Variants in ZNF354C observed in about 807,000 individuals in gnomAD.
The protein encoded by ZNF354C is KRAB-zinc finger protein synten.
Under a neutral mutation model 12.4 loss-of-function variants are expected in ZNF354C, and 7 were observed. That is an observed-to-expected ratio of 0.56 (90% CI 0.32 to 1.06). The LOEUF (loss-of-function observed/expected upper bound fraction) is 1.06, where lower values mean the gene tolerates loss of function less well. ZNF354C is among the 50% of genes least tolerant of loss of function. The pLI, the probability that ZNF354C is intolerant of heterozygous loss-of-function variation, is 0.04. For missense variants in ZNF354C, 609 were observed against 658.0 expected (o/e 0.93, Z 0.81); for synonymous variants, 202 against 224.5 (o/e 0.90, Z 0.90).
rs897990231 is a variant in ZNF354C, at chr5:179,083,972, T to G, written c.*3875T>G. The stretch of plus-strand genomic sequence containing the variant: ...TATCTATCTTCCTGCTACTTGGACC[T>G]GGAGGTGATGTATCCATGAGGTGTG... On this transcript the variant is annotated 3_prime_UTR_variant, in exon 5 of 5. Coordinates refer to ENST00000315475, the MANE Select transcript of ZNF354C (RefSeq NM_014594.3). Among the ~76,000 whole-genome samples the G allele has an allele frequency of 6.6e-6, 1 of 152,160 alleles. No individual in the cohort carries two copies.
intron 4 of ZNF354C, among the ~76,000 whole-genome samples, chr5:179,077,996 G>C (rs771675645): frequency 6.6e-6 from 1 of 151,766 alleles, no homozygotes; most frequent in African/African-American, 2.4e-5. Flanking sequence ...TGGTAGAGAC[G>C]GGGTTTCACC....
intron 4 of ZNF354C, among the ~76,000 whole-genome samples, chr5:179,077,442 T>A (rs1486210306): frequency 6.6e-6 from 1 of 152,206 alleles, no homozygotes; most frequent in Non-Finnish European, 1.5e-5. Context: ...TCACCCAGAA[T>A]CAAAGCTGAG....
Position 179,081,068 on chromosome 5 carries a change from C to T in ZNF354C, c.*971C>T, listed in dbSNP as rs1301338600. On this transcript the variant is annotated 3_prime_UTR_variant, in exon 5 of 5. Transcript: ENST00000315475. ...TGGTGTTTTGTGATCATTATAGGCT[C>T]GTTTCCAACCTGAGGTCCCAAGAGT... The T allele has an allele frequency of 6.6e-6, 1 of 152,106 alleles. No homozygotes were observed. Among genetic ancestry groups the T allele is most frequent in the Non-Finnish European group, 1.5e-5 (1 of 68,004 alleles). 9.4% of individuals were successfully genotyped at this position (152,106 alleles called of 1,614,324 possible). A position where few individuals can be genotyped will look rare whatever the true frequency, so the allele number is the denominator to read the frequency against.
chr5:179,061,182 T>G (rs1056072443), intron 1 of ZNF354C, among the ~76,000 whole-genome samples: 5 of 152,182 alleles, frequency 3.3e-5, no homozygotes, highest in Admixed American at 2.6e-4. Flanking sequence ...GAGCCCCAGG[T>G]TGGCTCCATG....
Position 179,061,999 on chromosome 5 carries a change from C to T in ZNF354C, c.-54-16C>T. On this transcript the variant is annotated splice_polypyrimidine_tract_variant and intron_variant, in intron 1 of 4. Transcript: ENST00000315475. ...CCTGACGCCAGGGTTCCTCTTGACA[C>T]CTTTTTCCTCTGCAGACCCACCGTG... 1 of 1,572,572 alleles carries T rather than the reference C, an allele frequency of 6.4e-7. No individual in the cohort carries two copies. Among genetic ancestry groups the T allele is most frequent in the South Asian group, 1.1e-5 (1 of 90,256 alleles).
At chr5:179,062,845 G>A (rs1761912633) in intron 2 of ZNF354C, among the ~76,000 whole-genome samples, 1 of 152,038 alleles carries the variant, frequency 6.6e-6, no homozygotes, top group South Asian at 2.1e-4. Context: ...TGCTAGTTTA[G>A]CCTCTCTACC....
At chr5:179,061,013 T>G (rs1227197142) in intron 1 of ZNF354C, among the ~76,000 whole-genome samples, 1 of 152,166 alleles carries the variant, frequency 6.6e-6, no homozygotes, top group African/African-American at 2.4e-5. Context: ...GACCTCCTGG[T>G]TTTCAGTCTC....
At chr5:179,068,477 A>AATAGG (rs1761989170) in intron 2 of ZNF354C, among the ~76,000 whole-genome samples, 1 of 152,222 alleles carries the variant, frequency 6.6e-6, no homozygotes, top group Non-Finnish European at 1.5e-5. Flanking sequence ...TGTCTTGAGT[A>AATAGG]ATAGGATTTA....
chr5:179,061,145 G>T (rs531107342), intron 1 of ZNF354C, among the ~76,000 whole-genome samples: 98 of 152,372 alleles, frequency 6.4e-4, no homozygotes, highest in Non-Finnish European at 1.1e-3. Context: ...TGGGCTGGTC[G>T]AGGCACCCGC....
At position 179,080,415 on chromosome 5, in the gene ZNF354C, G is replaced by A. The variant is rs539845471; in HGVS notation, c.*318G>A. The A allele has an allele frequency of 1.3e-3, 215 of 163,874 alleles. 1 individual carries two copies. Among genetic ancestry groups the A allele is most frequent in the African/African-American group, 5.0e-3 (210 of 41,996 alleles). 10.2% of individuals were successfully genotyped at this position (163,874 alleles called of 1,614,324 possible). A position where few individuals can be genotyped will look rare whatever the true frequency, so the allele number is the denominator to read the frequency against. On this transcript the variant is annotated 3_prime_UTR_variant, in exon 5 of 5. Coordinates refer to ENST00000315475, the MANE Select transcript of ZNF354C (RefSeq NM_014594.3). ...TCATAAGACCATATTCCCTTTAAAA[G>A]AGTAAGCTTCAATATGTGAATTTTC...
intron 2 of ZNF354C, among the ~76,000 whole-genome samples, chr5:179,063,055 T>C (rs566646568): frequency 1.6e-4 from 25 of 152,324 alleles, no homozygotes; most frequent in African/African-American, 5.8e-4. Context: ...TCTGTGCATT[T>C]TTTCTGCCAT....
At position 179,081,656 on chromosome 5, in the gene ZNF354C, T is replaced by G. The variant is rs1762228036; in HGVS notation, c.*1559T>G. On this transcript the variant is annotated 3_prime_UTR_variant, in exon 5 of 5. Transcript: ENST00000315475. ...AGAAAATGAGGCTTTTAAACAGACC[T>G]CACTATTTAACATTGTACCCAGTAG... 1 of 152,146 alleles carries G rather than the reference T, an allele frequency of 6.6e-6. No homozygotes were observed. The highest frequency in any genetic ancestry group is 2.4e-5 in the African/African-American group (1 of 41,440). The allele number at this position is 152,146 out of a possible 1,614,324, so 9.4% of individuals were successfully genotyped here. A position where few individuals can be genotyped will look rare whatever the true frequency, so the allele number is the denominator to read the frequency against.
In ZNF354C at chr5:179,081,138, A is replaced by T. The variant is rs895717306; in HGVS notation, c.*1041A>T. 1.3e-5 allele frequency: 2 copies of T among 152,138 alleles called. No individual in the cohort carries two copies. Among genetic ancestry groups the T allele is most frequent in the African/African-American group, 4.8e-5 (2 of 41,430 alleles). The allele number at this position is 152,138 out of a possible 1,614,324, so 9.4% of individuals were successfully genotyped here. A position where few individuals can be genotyped will look rare whatever the true frequency, so the allele number is the denominator to read the frequency against. The stretch of plus-strand genomic sequence containing the variant: ...GGTTAGACATAGTTGCAGTAATTTA[A>T]AGTTACTGTGTTATCTTTAAGGGCT... On this transcript the variant is annotated 3_prime_UTR_variant, in exon 5 of 5. Transcript: ENST00000315475.
Position 179,082,997 on chromosome 5 carries a change from T to G in ZNF354C, c.*2900T>G. On this transcript the variant is annotated 3_prime_UTR_variant, in exon 5 of 5. Transcript: ENST00000315475. ...AAAAGAGCTTCTTGCTATCCCCTAC[T>G]TCATAGTTAATGAAGCCAAACTGAT... 1.3e-6 allele frequency: 1 copy of G among 772,244 alleles called. No homozygotes were observed. The highest frequency in any genetic ancestry group is 1.6e-5 in the South Asian group (1 of 61,882). 47.8% of individuals were successfully genotyped at this position (772,244 alleles called of 1,614,324 possible). A position where few individuals can be genotyped will look rare whatever the true frequency, so the allele number is the denominator to read the frequency against.
chr5:179,071,592 A>T (rs2113116480), intron 2 of ZNF354C, among the ~76,000 whole-genome samples: 1 of 152,288 alleles, frequency 6.6e-6, no homozygotes, highest in Middle Eastern at 3.4e-3. Flanking sequence ...TCACCAGATA[A>T]ATTTTCTGTT....
Position 179,079,288 on chromosome 5 carries a change from A to C in ZNF354C, c.856A>C (p.Thr286Pro), listed in dbSNP as rs140340351. Residue 286 changes from threonine (T) to proline (P), a missense_variant, in exon 5 of 5, where the codon ACC becomes CCC. Thr to Pro is a conservative substitution (Grantham distance 38). Transcript: ENST00000315475. The surrounding 1 kb of genome is among the most constrained non-coding windows in gnomAD (Gnocchi z 4.2). ...TGAGAAGGCATTTAGCAACAGTTCA[A>C]CCCTTATCAAACATCTGAGAGTGCA... is the stretch of plus-strand genomic sequence containing the variant. ...ECEKAFSNSS[T>P]LIKHLRVHTG... 2.5e-6 allele frequency: 4 copies of C among 1,614,154 alleles called. No homozygotes were observed. The East Asian group carries it at 8.9e-5, about 36-fold the overall frequency.
chr5:179,073,408 G>A (rs1205899848), intron 2 of ZNF354C, among the ~76,000 whole-genome samples: 2 of 152,126 alleles, frequency 1.3e-5, no homozygotes, highest in South Asian at 2.1e-4. Flanking sequence ...TTTTCCTTTC[G>A]ATTTCTTTAA....
rs12522073 is a variant in ZNF354C, at chr5:179,060,451, T to C, written c.-270T>C. 33,958 of 152,314 alleles carry C rather than the reference T, an allele frequency of 0.22. 4,735 individuals are homozygous for C. The highest frequency in any genetic ancestry group is 0.32 in the Non-Finnish European group (21,494 of 68,030). The allele number at this position is 152,314 out of a possible 1,614,324, so 9.4% of individuals were successfully genotyped here. ...TCTCCTGGCTTGGGCCATCCAGGCT[T>C]GGCTAGGATTGCCGGCCTGGGGTTG... On this transcript the variant is annotated 5_prime_UTR_variant, in exon 1 of 5. Coordinates refer to ENST00000315475, the MANE Select transcript of ZNF354C (RefSeq NM_014594.3). The surrounding 1 kb of genome is among the most constrained non-coding windows in gnomAD (Gnocchi z 4.2).
Position 179,066,575 on chromosome 5 carries a change from G to C in ZNF354C, c.27+4480G>C, listed in dbSNP as rs921407705. On this transcript the variant is annotated intron_variant, in intron 2 of 4. Coordinates refer to ENST00000315475, the MANE Select transcript of ZNF354C (RefSeq NM_014594.3). ...ATTCCCTCAGTTTTTGTTTGTCTGAGAGAGCTTTACTTCTCATCCTTTTTG... is the reference window on the plus strand; with the variant it reads ...ATTCCCTCAGTTTTTGTTTGTCTGACAGAGCTTTACTTCTCATCCTTTTTG... Among the ~76,000 whole-genome samples, 3 of 152,208 alleles carry C rather than the reference G, an allele frequency of 2.0e-5. No homozygotes were observed. The South Asian group carries it at 6.2e-4, about 31-fold the overall frequency.
Sources: allele counts gnomAD v4.1 joint callset (sites outside exome capture counted in the v4.1 genomes callset), GRCh38; gene constraint gnomAD v4.1.1; non-coding constraint Gnocchi (gnomAD v3.1); transcripts MANE v1.5; gene names NCBI Gene and HGNC (gene_info 2026-07-23, HGNC 2026-07-21).